Variants in DENND4A observed in about 807,000 individuals in gnomAD.
DENND4A encodes DENN domain containing 4A, also known as C-myc promoter-binding protein.
In DENND4A, 70 loss-of-function variants were observed where a neutral mutation model predicts 199.3. That is an observed-to-expected ratio of 0.35 (90% confidence interval 0.29 to 0.43). DENND4A has a LOEUF of 0.43. Ranked by LOEUF, DENND4A falls within the 20% of genes least tolerant of loss-of-function variation. The probability of loss-of-function intolerance (pLI) is 1.00; values close to 1 mark genes in which losing one functional copy is unlikely to be tolerated. For missense variants in DENND4A, 1,723 were observed against 2,255.8 expected (o/e 0.76, Z 4.78); for synonymous variants, 686 against 766.9 (o/e 0.89, Z 1.74).
chr15:65,688,671 A>T (rs1031047951), intron 23 of DENND4A, among the ~76,000 whole-genome samples: 1 of 152,226 alleles, frequency 6.6e-6, no homozygotes, highest in Non-Finnish European at 1.5e-5. Flanking sequence ...CTTTCTGCAC[A>T]AAGAGGCCTC....
intron 22 of DENND4A, among the ~76,000 whole-genome samples, chr15:65,693,953 C>G (rs1162074062): frequency 6.6e-6 from 1 of 151,874 alleles, no homozygotes; most frequent in Non-Finnish European, 1.5e-5. Context: ...GTCTATTAGG[C>G]AGTAACTGCA....
At chr15:65,785,953 T>G (rs2077556905) in intron 1 of DENND4A, among the ~76,000 whole-genome samples, 1 of 152,058 alleles carries the variant, frequency 6.6e-6, no homozygotes, top group Non-Finnish European at 1.5e-5. Flanking sequence ...TACAAATCAG[T>G]AAGAAATCAA....
At chr15:65,681,235 C>G (rs2076563091) in intron 23 of DENND4A, 1 of 152,228 alleles carries the variant, frequency 6.6e-6, no homozygotes, top group African/African-American at 2.4e-5. Flanking sequence ...CACTGAAGTC[C>G]TGAACCCCTC....
At chr15:65,771,891 A>G (rs1596666993) in intron 1 of DENND4A, 2 of 1,611,796 alleles carry the variant, frequency 1.2e-6, no homozygotes, top group East Asian at 4.5e-5. Flanking sequence ...CTCCAGGTGC[A>G]TGGTTTTTGT....
At chr15:65,782,947 T>A (rs1342890394) in intron 1 of DENND4A, among the ~76,000 whole-genome samples, 1 of 148,442 alleles carries the variant, frequency 6.7e-6, no homozygotes, top group Non-Finnish European at 1.5e-5. Flanking sequence ...CCTCAGGAAA[T>A]ACTACTGATG....
intron 12 of DENND4A, among the ~76,000 whole-genome samples, chr15:65,721,899 C>T (rs1033057766): frequency 6.6e-6 from 1 of 152,184 alleles, no homozygotes; most frequent in African/African-American, 2.4e-5. Context: ...TTTTCCTTAT[C>T]AGTAATTCTG....
intron 1 of DENND4A, among the ~76,000 whole-genome samples, chr15:65,770,127 C>G (rs1412263348): frequency 6.6e-6 from 1 of 152,116 alleles, no homozygotes. Context: ...CCAAACAGAT[C>G]ATGCTCTGAT....
intron 23 of DENND4A, among the ~76,000 whole-genome samples, chr15:65,677,671 T>C (rs955958229): frequency 6.6e-6 from 1 of 152,208 alleles, no homozygotes; most frequent in African/African-American, 2.4e-5. Context: ...TTTTGTTCAG[T>C]GAAGGGCAGG....
intron 1 of DENND4A, among the ~76,000 whole-genome samples, chr15:65,791,715 A>C (rs1313847175): frequency 6.6e-6 from 1 of 150,748 alleles, no homozygotes; most frequent in Non-Finnish European, 1.5e-5. Flanking sequence ...CCCACTCCCA[A>C]ATAACAACAG....
rs1248901572 is a variant in DENND4A, at chr15:65,717,892, C to T, written c.1693G>A (p.Ala565Thr). ...ATAGAGGCCATGAAAAACAAAAATG[C>T]CTCTTGGATTTCCAAATCTATCATG... ...LHMIDLEIQE[A>T]FLFFMASILK... is the part of the protein sequence containing the mutation. The change falls in exon 13 of 33, where the codon GCA becomes ACA. Residue 565 changes from alanine to threonine, a missense_variant. Ala to Thr is a moderately conservative substitution (Grantham distance 58). Coordinates refer to ENST00000443035, the MANE Select transcript of DENND4A (RefSeq NM_001320835.1). 1 of 1,607,286 alleles carries T rather than the reference C, an allele frequency of 6.2e-7. No homozygotes were observed. Among genetic ancestry groups the T allele is most frequent in the Non-Finnish European group, 8.5e-7 (1 of 1,176,416 alleles).
intron 32 of DENND4A, 86 bp from the exon 33 acceptor site, chr15:65,662,073 C>G: frequency 8.7e-7 from 1 of 1,153,544 alleles, no homozygotes; most frequent in Non-Finnish European, 1.2e-6. Flanking sequence ...ACTACAGAAA[C>G]ACAACATTAG....
At chr15:65,709,482 G>C (rs1039934308) in intron 14 of DENND4A, among the ~76,000 whole-genome samples, 35 of 151,898 alleles carry the variant, frequency 2.3e-4, no homozygotes, top group African/African-American at 7.7e-4. Context: ...GAGATGGGCG[G>C]ATCACCTGAG....
intron 1 of DENND4A, among the ~76,000 whole-genome samples, chr15:65,764,792 G>C (rs12913386): frequency 0.2 from 30,048 of 151,836 alleles, 3,997 homozygotes; most frequent in East Asian, 0.73. Context: ...GGGCAACATA[G>C]TGAGACCCCA....
intron 3 of DENND4A, among the ~76,000 whole-genome samples, 182 bp from the exon 4 acceptor site, chr15:65,752,810 T>C (rs2076603654): frequency 6.6e-6 from 1 of 152,140 alleles, no homozygotes; most frequent in African/African-American, 2.4e-5. Flanking sequence ...CACCAAAAAC[T>C]TTGTTTTAAG....
intron 23 of DENND4A, among the ~76,000 whole-genome samples, chr15:65,679,861 C>G (rs1314704629): frequency 6.6e-6 from 1 of 152,114 alleles, no homozygotes; most frequent in Non-Finnish European, 1.5e-5. Flanking sequence ...GGCGACCAAA[C>G]AAAGGAAGGT....
chr15:65,702,806 G>T (rs370027470), intron 16 of DENND4A, 67 bp downstream of exon 16: 7 of 1,398,936 alleles, frequency 5.0e-6, no homozygotes, highest in Non-Finnish European at 7.0e-6. Flanking sequence ...AGCATATTAC[G>T]GGAGGATAAA....
At position 65,675,205 on chromosome 15, in the gene DENND4A, CA is replaced by C. The variant is rs1423611642; in HGVS notation, c.4369+1239del. On this transcript the variant is annotated intron_variant, in intron 24 of 32. Coordinates refer to ENST00000443035, the MANE Select transcript of DENND4A (RefSeq NM_001320835.1). ...ACATTTAAAAAAGCTGTTAAAGAAA[CA>C]AACAAAAAAGAATATGTGACAGAGG... Among the ~76,000 whole-genome samples the C allele has an allele frequency of 2.0e-5, 3 of 151,734 alleles. No homozygotes were observed. The East Asian group carries it at 5.8e-4, about 29-fold the overall frequency.
At chr15:65,670,312 A>G in intron 25 of DENND4A, 124 bp from the exon 26 acceptor site, 1 of 737,924 alleles carries the variant, frequency 1.4e-6, no homozygotes, top group Non-Finnish European at 2.0e-6. Flanking sequence ...CTATACACAA[A>G]CACTGGATTA....
intron 2 of DENND4A, among the ~76,000 whole-genome samples, chr15:65,760,384 G>A (rs562617608): frequency 6.6e-6 from 1 of 152,268 alleles, no homozygotes; most frequent in Admixed American, 6.5e-5. Context: ...TGTAATCCCA[G>A]CTACTCAGGA....
Sources: allele counts gnomAD v4.1 joint callset (sites outside exome capture counted in the v4.1 genomes callset), GRCh38; gene constraint gnomAD v4.1.1; transcripts MANE v1.5; gene names NCBI Gene and HGNC (gene_info 2026-07-23, HGNC 2026-07-21).